The following UBXN6 variants were observed in gnomAD, a reference collection of about 807,000 sequenced individuals.
The protein encoded by UBXN6 is UBX domain protein 6.
In UBXN6, 44 loss-of-function variants were observed where a neutral mutation model predicts 51.4. The ratio of observed to expected loss-of-function variants is 0.86; its 90% CI spans 0.67 to 1.10. UBXN6 has a LOEUF of 1.10. UBXN6 is among the 50% of genes least tolerant of loss of function. The probability of loss-of-function intolerance (pLI) is 0.00; values close to 1 mark genes in which losing one functional copy is unlikely to be tolerated. For missense variants in UBXN6, 672 were observed against 596.1 expected (o/e 1.13, Z -1.32); for synonymous variants, 316 against 263.2 (o/e 1.20, Z -1.94).
rs755420633 is a variant in UBXN6 at position 4,446,410 on chromosome 19, G to A, written c.924C>T (p.Ser308=). The change falls in exon 9 of 11, where the codon TCC becomes TCT. Residue 308 remains serine, a synonymous_variant. Transcript: ENST00000301281. ...GCACGCTCAGCCGCTCCACCGCCTC[G>A]GACCTGCACACGCGGGCCAGGTCAC... ...EEIKREQRLR[S]EAVERLSVLR... The A allele has an allele frequency of 1.3e-5, 21 of 1,578,820 alleles. No individual in the cohort carries two copies. The Middle Eastern group carries it at 6.6e-4, about 50-fold the overall frequency.
At chr19:4,448,134 A>G in intron 5 of UBXN6, 184 bp downstream of exon 5, 1 of 610,500 alleles carries the variant, frequency 1.6e-6, no homozygotes, top group South Asian at 2.0e-5. Context: ...GGGTAAACTG[A>G]GGCCCAAGGA....
chr19:4,454,861 G>T (rs372577786), intron 1 of UBXN6: 1 of 152,254 alleles, frequency 6.6e-6, no homozygotes, highest in African/African-American at 2.4e-5. Flanking sequence ...CGGCTCGCTT[G>T]GTTTACTCCT....
At position 4,457,748 on chromosome 19, in the gene UBXN6, G is replaced by A; in HGVS notation, c.-51C>T. On this transcript the variant is annotated 5_prime_UTR_variant, in exon 1 of 11. Transcript: ENST00000301281. ...GGCCGCGGGGGCGGGGGGGCACGGG[G>A]CCCAGTCGGGGACGGGGCCGCCGGA... is the stretch of plus-strand genomic sequence containing the variant. 1 of 1,229,768 alleles carries A rather than the reference G, an allele frequency of 8.1e-7. No individual in the cohort carries two copies. Among genetic ancestry groups the A allele is most frequent in the Non-Finnish European group, 1.1e-6 (1 of 918,228 alleles). 76.2% of individuals were successfully genotyped at this position (1,229,768 alleles called of 1,614,324 possible). A position where few individuals can be genotyped will look rare whatever the true frequency, so the allele number is the denominator to read the frequency against.
chr19:4,445,836 T>C, intron 10 of UBXN6: 2 of 1,041,044 alleles, frequency 1.9e-6, no homozygotes, highest in Non-Finnish European at 2.7e-6. Flanking sequence ...ACGTCACCGC[T>C]CCCATTTGAT....
At position 4,457,758 on chromosome 19, in the gene UBXN6, G is replaced by T; in HGVS notation, c.-61C>A. 9.8e-7 allele frequency: 1 copy of T among 1,017,698 alleles called. No homozygotes were observed. The highest frequency in any genetic ancestry group is 1.3e-6 in the Non-Finnish European group (1 of 759,510). 63.0% of individuals were successfully genotyped at this position (1,017,698 alleles called of 1,614,324 possible). A position where few individuals can be genotyped will look rare whatever the true frequency, so the allele number is the denominator to read the frequency against. ...GCGGGGGGGCACGGGGCCCAGTCGG[G>T]GACGGGGCCGCCGGAGACCAGCCAC... On this transcript the variant is annotated 5_prime_UTR_variant, in exon 1 of 11. Transcript: ENST00000301281.
In UBXN6 at chr19:4,446,621, G is replaced by T; in HGVS notation, c.799C>A (p.Arg267Ser). The change falls in exon 8 of 11, where the codon CGC becomes AGC. Residue 267 changes from arginine to serine, a missense_variant. Arg to Ser is a moderately radical substitution (Grantham distance 110, BLOSUM62 -1). Coordinates refer to ENST00000301281, the MANE Select transcript of UBXN6 (RefSeq NM_025241.3). ...KEQLLAAEPV[R>S]AKLDRQRRVF... is the part of the protein sequence containing the mutation. ...CGGCGCTGCCTGTCCAGCTTGGCGC[G>T]CACGGGCTCCGCAGCCAGCAGCTGT... is the stretch of plus-strand genomic sequence containing the variant. The T allele has an allele frequency of 6.2e-7, 1 of 1,612,504 alleles. No individual in the cohort carries two copies. Among genetic ancestry groups the T allele is most frequent in the Non-Finnish European group, 8.5e-7 (1 of 1,179,784 alleles).
intron 1 of UBXN6, chr19:4,455,157 C>G: frequency 1.0e-6 from 1 of 972,662 alleles, no homozygotes; most frequent in Non-Finnish European, 1.2e-6. Context: ...GAAGCCCTTT[C>G]TCCCAACCTG....
At chr19:4,449,298 G>A (rs1462326678) in intron 4 of UBXN6, 1 of 152,824 alleles carries the variant, frequency 6.5e-6, no homozygotes, top group Non-Finnish European at 1.5e-5. Flanking sequence ...CATGTGTCAG[G>A]ATTCGGGCCA....
rs1974492846 is a variant in UBXN6, at chr19:4,445,604, G to A, written c.1220C>T (p.Thr407Ile). 6.2e-7 allele frequency: 1 copy of A among 1,613,498 alleles called. No individual in the cohort carries two copies. The highest frequency in any genetic ancestry group is 2.2e-5 in the East Asian group (1 of 44,886). ...ECGLVPSALL[T>I]FSWDMAVLED... is the part of the protein sequence containing the mutation. ...CAGCACAGCCATGTCCCACGAGAAG[G>A]TCAGGAGGGCAGAGGGCACCTGCGG... The change falls in exon 11 of 11, where the codon ACC becomes ATC. Residue 407 changes from threonine to isoleucine, a missense_variant. Thr to Ile is a moderately conservative substitution (Grantham distance 89). Coordinates refer to ENST00000301281, the MANE Select transcript of UBXN6 (RefSeq NM_025241.3).
At position 4,452,493 on chromosome 19, in the gene UBXN6, C is replaced by A. The variant is rs1294603997; in HGVS notation, c.313-1G>T. The A allele has an allele frequency of 2.5e-6, 4 of 1,610,140 alleles. 1 individual carries two copies. The South Asian group carries it at 4.4e-5, about 18-fold the overall frequency. On this transcript the variant is annotated splice_acceptor_variant, in intron 3 of 10. Transcript: ENST00000301281. LOFTEE classifies it high-confidence loss of function. ...AGCCTTCCTCTCTGGGCTCAGATAC[C>A]TGGGGCGGTGAAAGCGTCCAAGTCT... is the stretch of plus-strand genomic sequence containing the variant.
chr19:4,448,142 G>A (rs1599675740), intron 5 of UBXN6, 176 bp downstream of exon 5: 1 of 618,808 alleles, frequency 1.6e-6, no homozygotes, highest in Non-Finnish European at 2.8e-6. Flanking sequence ...TGAGGCCCAA[G>A]GAGGCCCAGC....
In UBXN6 at chr19:4,451,214, G is replaced by A. The variant is rs191346832; in HGVS notation, c.441+1150C>T. Among the ~76,000 whole-genome samples, 22 of 152,144 alleles carry A rather than the reference G, an allele frequency of 1.4e-4. No individual in the cohort carries two copies. In the East Asian group the frequency reaches 2.9e-3, roughly 20 times the overall value. ...TGGGATTACAGGCGCCTGTCACCAC[G>A]CCTGGCTAATTTTTGTATATTTAGT... On this transcript the variant is annotated intron_variant, in intron 4 of 10. Coordinates refer to ENST00000301281, the MANE Select transcript of UBXN6 (RefSeq NM_025241.3).
intron 4 of UBXN6, chr19:4,449,134 C>A (rs1376735659): frequency 1.3e-5 from 2 of 152,754 alleles, no homozygotes; most frequent in East Asian, 1.9e-4. Context: ...TACCCTAAGA[C>A]CTGGAAAAGA....
intron 1 of UBXN6, among the ~76,000 whole-genome samples, chr19:4,456,749 C>A (rs1249442733): frequency 6.6e-6 from 1 of 152,146 alleles, no homozygotes; most frequent in African/African-American, 2.4e-5. Context: ...ATCCACTTGG[C>A]ACAGTGACGT....
In UBXN6 at chr19:4,446,094, C is replaced by T. The variant is rs759798589; in HGVS notation, c.1155G>A (p.Gln385=). 3.8e-5 allele frequency: 62 copies of T among 1,612,712 alleles called. No individual in the cohort carries two copies. The highest frequency in any genetic ancestry group is 5.0e-5 in the Non-Finnish European group (59 of 1,179,914). The part of the protein sequence containing the change: ...LPFELLASGG[Q]KLSEDENLAL... Reference sequence around the variant, plus strand: ...CCAGGTTCTCGTCCTCGGACAGCTTCTGCCCTCCCGAGGCCAGCAGCTCAA... The same window carrying T: ...CCAGGTTCTCGTCCTCGGACAGCTTTTGCCCTCCCGAGGCCAGCAGCTCAA... Residue 385 remains glutamine (Q), a synonymous_variant, in exon 10 of 11, where the codon CAG becomes CAA. Coordinates refer to ENST00000301281, the MANE Select transcript of UBXN6 (RefSeq NM_025241.3).
chr19:4,455,247 G>A, intron 1 of UBXN6: 1 of 985,472 alleles, frequency 1.0e-6, no homozygotes, highest in African/African-American at 1.7e-5. Flanking sequence ...TGTGCCGTAG[G>A]TCTATTAAAA....
intron 4 of UBXN6, 139 bp downstream of exon 4, chr19:4,452,225 T>G: frequency 1.7e-6 from 2 of 1,200,114 alleles, no homozygotes; most frequent in South Asian, 1.6e-5. Context: ...GGATTTGGGG[T>G]ATCAGAGGAG....
At position 4,448,419 on chromosome 19, in the gene UBXN6, G is replaced by A; in HGVS notation, c.442-4C>T. On this transcript the variant is annotated splice_polypyrimidine_tract_variant and splice_region_variant and intron_variant, in intron 4 of 10. Coordinates refer to ENST00000301281, the MANE Select transcript of UBXN6 (RefSeq NM_025241.3). ...CCACTGGGTCGGTGGAGAAGTGCTG[G>A]GAGGAGGGAAGCAGGGAAAGCCACT... 6.2e-7 allele frequency: 1 copy of A among 1,603,390 alleles called. No homozygotes were observed. Among genetic ancestry groups the A allele is most frequent in the Non-Finnish European group, 8.5e-7 (1 of 1,175,806 alleles).
chr19:4,456,096 C>G (rs1391797167), intron 1 of UBXN6, among the ~76,000 whole-genome samples: 1 of 151,994 alleles, frequency 6.6e-6, no homozygotes, highest in Non-Finnish European at 1.5e-5. Flanking sequence ...GACCTCCGCA[C>G]CGCTTCCTTT....
Sources: gnomAD v4.1 joint callset for allele counts (sites outside exome capture counted in the v4.1 genomes callset) on GRCh38, gnomAD v4.1.1 for gene constraint, MANE v1.5 for transcripts, NCBI Gene and HGNC (gene_info 2026-07-23, HGNC 2026-07-21) for gene names.